PREX1: variants seen among roughly 807,000 people sequenced by gnomAD.
PREX1 encodes phosphatidylinositol 3,4,5-trisphosphate-dependent Rac exchanger 1 protein.
A neutral mutation model predicts 198.3 loss-of-function variants in PREX1; 41 were observed. That is an observed-to-expected ratio of 0.21 (90% CI 0.16 to 0.27). The LOEUF (loss-of-function observed/expected upper bound fraction) is 0.27. Ranked by LOEUF, PREX1 falls within the 10% of genes least tolerant of loss-of-function variation. The pLI, the probability that PREX1 is intolerant of heterozygous loss-of-function variation, is 1.00. For synonymous variants in PREX1, 843 were observed against 887.2 expected (o/e 0.95, Z 0.89); for missense variants, 1,620 against 2,200.7 (o/e 0.74, Z 5.28).
chr20:48,701,795 T>C (rs1045318237), intron 6 of PREX1, among the ~76,000 whole-genome samples: 1 of 152,144 alleles, frequency 6.6e-6, no homozygotes, highest in African/African-American at 2.4e-5. Context: ...TGGTCACCTA[T>C]GTTGAGCAGC....
chr20:48,656,240 G>A (rs7269602), intron 18 of PREX1, among the ~76,000 whole-genome samples: 1,595 of 152,130 alleles, frequency 0.01, 22 homozygotes, highest in African/African-American at 0.036. Flanking sequence ...TTTGCTCCCC[G>A]GTACCTACCC....
intron 35 of PREX1, among the ~76,000 whole-genome samples, chr20:48,631,309 G>A (rs1336610733): frequency 6.6e-6 from 1 of 152,224 alleles, no homozygotes; most frequent in Admixed American, 6.5e-5. Context: ...ATGCAGGTGT[G>A]CTAATAAAAC....
intron 24 of PREX1, among the ~76,000 whole-genome samples, 157 bp from the exon 25 acceptor site, chr20:48,649,733 T>C (rs1339106923): frequency 6.6e-6 from 1 of 152,234 alleles, no homozygotes; most frequent in Non-Finnish European, 1.5e-5. Context: ...AAGAAGACTG[T>C]TCCAGTCTGG....
chr20:48,678,698 C>T (rs2089726462), intron 13 of PREX1, among the ~76,000 whole-genome samples: 1 of 152,218 alleles, frequency 6.6e-6, no homozygotes. Context: ...ACTCCTTTCA[C>T]TTGGCTGTCA....
chr20:48,772,949 C>CTGTAAAG, intron 1 of PREX1, among the ~76,000 whole-genome samples: 1 of 152,154 alleles, frequency 6.6e-6, no homozygotes, highest in Admixed American at 6.5e-5. Flanking sequence ...AAGTGCTTAC[C>CTGTAAAG]AGCACACAGT....
Position 48,636,606 on chromosome 20 carries a change from G to A in PREX1, c.4024C>T (p.Leu1342=). The change falls in exon 32 of 40, where the codon CTG becomes TTG. Residue 1342 remains leucine, a synonymous_variant. Coordinates refer to ENST00000371941, the MANE Select transcript of PREX1 (RefSeq NM_020820.4). ...TAGCGGTAGCCCAGGGCCGCCAGCAGCTGCTTGGAGAAGGTGCACACGGCG... is the reference window on the plus strand; with the variant it reads ...TAGCGGTAGCCCAGGGCCGCCAGCAACTGCTTGGAGAAGGTGCACACGGCG... ...VAAVCTFSKQ[L]LAALGYRYNN... 6.2e-7 allele frequency: 1 copy of A among 1,611,836 alleles called. No individual in the cohort carries two copies. Among genetic ancestry groups the A allele is most frequent in the Non-Finnish European group, 8.5e-7 (1 of 1,179,604 alleles).
intron 30 of PREX1, among the ~76,000 whole-genome samples, chr20:48,638,484 C>T (rs1403840052): frequency 6.6e-6 from 1 of 152,224 alleles, no homozygotes; most frequent in South Asian, 2.1e-4. Flanking sequence ...AGATGCTCCT[C>T]GGCCCACAAA....
the PREX1 span, among the ~76,000 whole-genome samples, chr20:48,854,711 G>A: frequency 6.6e-6 from 1 of 152,174 alleles, no homozygotes; most frequent in Non-Finnish European, 1.5e-5. Context: ...TCCAGATGAA[G>A]AGGCCGAGGC....
At chr20:48,668,657 T>C (rs1315658994) in intron 14 of PREX1, among the ~76,000 whole-genome samples, 2 of 152,162 alleles carry the variant, frequency 1.3e-5, no homozygotes, top group African/African-American at 4.8e-5. Flanking sequence ...GCAGAGCCTC[T>C]GGCCTTGGCA....
chr20:48,697,091 A>G (rs1945814127), intron 7 of PREX1, among the ~76,000 whole-genome samples: 1 of 152,180 alleles, frequency 6.6e-6, no homozygotes, highest in Admixed American at 6.5e-5. Flanking sequence ...GGCAGAAGTT[A>G]AGACAAAAAA....
Position 48,666,171 on chromosome 20 carries a change from C to T in PREX1, c.1738+112G>A, listed in dbSNP as rs2089639175. 8.9e-7 allele frequency: 1 copy of T among 1,123,014 alleles called. No individual in the cohort carries two copies. Among genetic ancestry groups the T allele is most frequent in the Admixed American group, 2.1e-5 (1 of 47,602 alleles). The allele number at this position is 1,123,014 out of a possible 1,614,324, so 69.6% of individuals were successfully genotyped here. A position where few individuals can be genotyped will look rare whatever the true frequency, so the allele number is the denominator to read the frequency against. On this transcript the variant is annotated intron_variant, in intron 15 of 39. Coordinates refer to ENST00000371941, the MANE Select transcript of PREX1 (RefSeq NM_020820.4). This position sits in a 1 kb window ranked among gnomAD's most constrained non-coding sequence, Gnocchi z 4.3. ...GTGGGATTCGTGAGCCTCCCCAAAC[C>T]CCCGGGGGTCTAGAGAGCCACAGAC...
chr20:48,887,326 A>C, the PREX1 span, among the ~76,000 whole-genome samples: 1 of 152,196 alleles, frequency 6.6e-6, no homozygotes, highest in Non-Finnish European at 1.5e-5. Context: ...TAATCCCAGC[A>C]CTTTGGGAGG....
At chr20:48,663,442 A>T (rs1308887846) in intron 15 of PREX1, among the ~76,000 whole-genome samples, 1 of 152,148 alleles carries the variant, frequency 6.6e-6, no homozygotes, top group African/African-American at 2.4e-5. Context: ...CAGGAGAATC[A>T]CTTGAACCTG....
intron 23 of PREX1, 52 bp downstream of exon 23, chr20:48,650,842 G>A: frequency 1.3e-6 from 2 of 1,592,348 alleles, no homozygotes; most frequent in South Asian, 2.3e-5. Flanking sequence ...CCCAGGCTGA[G>A]ATGCTATGTC....
Position 48,659,940 on chromosome 20 carries a change from G to A in PREX1, c.1860C>T (p.Asn620=). Residue 620 remains asparagine, a synonymous_variant, in exon 16 of 40, where the codon AAC becomes AAT. Coordinates refer to ENST00000371941, the MANE Select transcript of PREX1 (RefSeq NM_020820.4). ...QLRNDFKLVE[N]ILAKRLLILP... is the part of the protein sequence containing the mutation. ...CTACCAGCAGGCGCTTGGCCAGAATGTTCTCCACCAGCTTGAAGTCGTTGC... is the reference window on the plus strand; with the variant it reads ...CTACCAGCAGGCGCTTGGCCAGAATATTCTCCACCAGCTTGAAGTCGTTGC... The A allele has an allele frequency of 6.2e-7, 1 of 1,614,236 alleles. No individual in the cohort carries two copies. The highest frequency in any genetic ancestry group is 2.2e-5 in the East Asian group (1 of 44,880).
Position 48,632,264 on chromosome 20 carries a change from C to G in PREX1, c.4526+13G>C. 1 of 1,613,392 alleles carries G rather than the reference C, an allele frequency of 6.2e-7. No homozygotes were observed. The highest frequency in any genetic ancestry group is 8.5e-7 in the Non-Finnish European group (1 of 1,179,646). On this transcript the variant is annotated intron_variant, in intron 35 of 39. Coordinates refer to ENST00000371941, the MANE Select transcript of PREX1 (RefSeq NM_020820.4). ...CCTGACTCCTGCCCCCAACGGGGAC[C>G]CCAGGCGGATACCTGAGTTTGCGGT...
chr20:48,718,294 A>G (rs1470152459), intron 5 of PREX1, among the ~76,000 whole-genome samples: 2 of 152,206 alleles, frequency 1.3e-5, no homozygotes, highest in African/African-American at 4.8e-5. Context: ...TCTCTAGAGA[A>G]AAGGGTAAAA....
chr20:48,654,667 C>T (rs1484645114), intron 19 of PREX1, among the ~76,000 whole-genome samples: 2 of 152,174 alleles, frequency 1.3e-5, no homozygotes, highest in African/African-American at 2.4e-5. Context: ...TCATGGTATG[C>T]GTTTTCTTAA....
chr20:48,669,652 C>T (rs767869890), intron 14 of PREX1, among the ~76,000 whole-genome samples: 4 of 152,114 alleles, frequency 2.6e-5, no homozygotes, highest in Non-Finnish European at 4.4e-5. Context: ...ACTCACCTCC[C>T]TGTCTCGGTC....
Sources: gnomAD v4.1 joint callset for allele counts (sites outside exome capture counted in the v4.1 genomes callset) on GRCh38, gnomAD v4.1.1 for gene constraint, Gnocchi (gnomAD v3.1) non-coding constraint, MANE v1.5 for transcripts, NCBI Gene and HGNC (gene_info 2026-07-23, HGNC 2026-07-21) for gene names.